The following MGAM2 variants were observed in gnomAD, a reference collection of about 807,000 sequenced individuals.
MGAM2 encodes maltase-glucoamylase 2 (putative).
Under a neutral mutation model 96.1 loss-of-function variants are expected in MGAM2, and 98 were observed. That is an observed-to-expected ratio of 1.02 (90% CI 0.87 to 1.21). The LOEUF is 1.21. Among genes scored for constraint, MGAM2 ranks in the 50% most tolerant of loss-of-function variants. The pLI, the probability that MGAM2 is intolerant of heterozygous loss-of-function variation, is 0.00. For synonymous variants in MGAM2, 749 were observed against 414.8 expected (o/e 1.81, Z -9.79); for missense variants, 2,055 against 1,182.4 (o/e 1.74, Z -10.82).
intron 24 of MGAM2, among the ~76,000 whole-genome samples, chr7:142,165,286 C>T (rs1795998807): frequency 2.0e-5 from 3 of 152,136 alleles, no homozygotes; most frequent in Admixed American, 6.6e-5. Flanking sequence ...TAAAATGAGA[C>T]ACTCTGATCC....
At chr7:142,184,095 C>A (rs1221387247) in intron 33 of MGAM2, among the ~76,000 whole-genome samples, 1 of 150,556 alleles carries the variant, frequency 6.6e-6, no homozygotes, top group Non-Finnish European at 1.5e-5. Context: ...GCCTCAGCCT[C>A]CTGAGTAGCT....
chr7:142,190,340 C>T (rs1006638617), intron 37 of MGAM2, among the ~76,000 whole-genome samples: 48 of 143,562 alleles, frequency 3.3e-4, no homozygotes, highest in African/African-American at 1.2e-3. Context: ...GGTGCAATCT[C>T]GGCTCACTGC....
intron 44 of MGAM2, 70 bp downstream of exon 44, chr7:142,198,809 C>A: frequency 1.5e-6 from 1 of 648,144 alleles, no homozygotes; most frequent in South Asian, 1.7e-5. Context: ...AGGAGGCTGT[C>A]CCACCTTCGC....
rs1178127172 is a variant in MGAM2 at position 142,160,134 on chromosome 7, G to A, written c.2221G>A (p.Gly741Arg). Residue 741 changes from glycine (G) to arginine (R), a missense_variant and splice_region_variant, in exon 21 of 48, where the codon GGA becomes AGA. By Grantham distance (125) the Gly-to-Arg change is moderately radical. Coordinates refer to ENST00000477922, the MANE Select transcript of MGAM2 (RefSeq NM_001293626.2). ...PDATWYDYET[G>R]VAISWRKQLV... Reference sequence around the variant, plus strand: ...ATCTTTTGTTGTTGTTGCTGATTAGGGAGTGGCCATCTCATGGAGGAAACA... The same window carrying A: ...ATCTTTTGTTGTTGTTGCTGATTAGAGAGTGGCCATCTCATGGAGGAAACA... 4 of 701,364 alleles carry A rather than the reference G, an allele frequency of 5.7e-6. No individual in the cohort carries two copies. The East Asian group carries it at 1.1e-4, about 19-fold the overall frequency. The allele number at this position is 701,364 out of a possible 1,614,324, so 43.4% of individuals were successfully genotyped here.
intron 3 of MGAM2, among the ~76,000 whole-genome samples, chr7:142,125,604 G>A (rs904374458): frequency 6.6e-6 from 1 of 152,204 alleles, no homozygotes; most frequent in African/African-American, 2.4e-5. Context: ...AGACAGGAAT[G>A]TCAATTAGAT....
intron 12 of MGAM2, among the ~76,000 whole-genome samples, chr7:142,142,543 T>TTTTTG (rs1795262547): frequency 6.9e-6 from 1 of 144,136 alleles, no homozygotes; most frequent in Non-Finnish European, 1.5e-5. Flanking sequence ...TTTTTTTTTT[T>TTTTTG]TTTTTGAGAT....
intron 45 of MGAM2, among the ~76,000 whole-genome samples, chr7:142,201,756 G>T (rs1478018783): frequency 6.6e-6 from 1 of 152,112 alleles, no homozygotes; most frequent in Non-Finnish European, 1.5e-5. Flanking sequence ...TGTTTACATT[G>T]GATCAGGTTT....
intron 3 of MGAM2, among the ~76,000 whole-genome samples, chr7:142,124,033 C>T (rs951894745): frequency 1.4e-4 from 19 of 131,118 alleles, no homozygotes; most frequent in African/African-American, 3.2e-4. Flanking sequence ...AGCGCAGAGG[C>T]GCAATCTTGG....
chr7:142,182,683 C>A (rs182400183), intron 32 of MGAM2, among the ~76,000 whole-genome samples: 1 of 152,344 alleles, frequency 6.6e-6, no homozygotes, highest in East Asian at 1.9e-4. Context: ...TTTCCCTTCA[C>A]TCACTCCTTC....
Position 142,220,813 on chromosome 7 carries a change from C to T in MGAM2, c.6302C>T (p.Ser2101Leu), listed in dbSNP as rs1797903412. 1.4e-6 allele frequency: 1 copy of T among 702,134 alleles called. No homozygotes were observed. 43.5% of individuals were successfully genotyped at this position (702,134 alleles called of 1,614,324 possible). Reference protein sequence around the residue: ...TVSTIATVPISVTPSLTSTAD... With the variant: ...TVSTIATVPILVTPSLTSTAD... ...AGTACTATTGCTACCGTTCCCATTTCAGTGACTCCTTCTCTGACAAGTACT... is the reference window on the plus strand; with the variant it reads ...AGTACTATTGCTACCGTTCCCATTTTAGTGACTCCTTCTCTGACAAGTACT... Residue 2101 changes from serine to leucine, a missense_variant, in exon 48 of 48, where the codon TCA (serine) becomes TTA (leucine). Transcript: ENST00000477922.
chr7:142,200,001 C>A (rs1447644012), intron 45 of MGAM2, 33 bp downstream of exon 45: 2 of 617,456 alleles, frequency 3.2e-6, no homozygotes, highest in Non-Finnish European at 5.8e-6. Context: ...CCCTGTACAT[C>A]ACTGAGAAAA....
intron 47 of MGAM2, among the ~76,000 whole-genome samples, chr7:142,218,895 A>G (rs902246205): frequency 3.9e-5 from 6 of 152,178 alleles, no homozygotes; most frequent in South Asian, 2.1e-4. Flanking sequence ...GATTCCCTAA[A>G]GCTGTTGAAG....
intron 9 of MGAM2, 34 bp from the exon 10 acceptor site, chr7:142,138,508 T>G (rs1795125318): frequency 4.3e-6 from 3 of 694,250 alleles, no homozygotes; most frequent in Non-Finnish European, 7.9e-6. Flanking sequence ...GCTAATGTTA[T>G]TCTCAAAGCC....
chr7:142,160,982 C>T (rs1795871536), intron 21 of MGAM2, 143 bp from the exon 22 acceptor site: 3 of 538,758 alleles, frequency 5.6e-6, no homozygotes, highest in Non-Finnish European at 6.7e-6. Context: ...ACACCCAGCT[C>T]CCATGTGTCC....
At chr7:142,176,313 T>C (rs1026679193) in intron 32 of MGAM2, among the ~76,000 whole-genome samples, 1 of 152,184 alleles carries the variant, frequency 6.6e-6, no homozygotes, top group Non-Finnish European at 1.5e-5. Context: ...GGAAGCCACA[T>C]CTTGACAAAT....
intron 15 of MGAM2, among the ~76,000 whole-genome samples, chr7:142,150,413 C>T (rs1361442451): frequency 2.0e-5 from 3 of 152,122 alleles, no homozygotes; most frequent in Non-Finnish European, 4.4e-5. Context: ...CCATTTTCCC[C>T]CCTTAATACT....
chr7:142,182,549 C>A (rs147862212), intron 32 of MGAM2, among the ~76,000 whole-genome samples: 1 of 152,198 alleles, frequency 6.6e-6, no homozygotes, highest in Non-Finnish European at 1.5e-5. Context: ...AGAACCTTCT[C>A]GTCTCCGCAC....
chr7:142,184,453 A>G (rs1384342622), intron 33 of MGAM2, among the ~76,000 whole-genome samples: 1 of 152,180 alleles, frequency 6.6e-6, no homozygotes, highest in Admixed American at 6.5e-5. Context: ...CTATCTGTGA[A>G]CTCTTAGGAA....
intron 17 of MGAM2, among the ~76,000 whole-genome samples, chr7:142,155,399 C>G (rs1477017820): frequency 1.3e-5 from 2 of 152,090 alleles, no homozygotes; most frequent in Non-Finnish European, 2.9e-5. Context: ...CAAAGTCCCC[C>G]CTAAGGAGGT....
Sources: allele counts gnomAD v4.1 joint callset (sites outside exome capture counted in the v4.1 genomes callset), GRCh38; gene constraint gnomAD v4.1.1; transcripts MANE v1.5; gene names NCBI Gene and HGNC (gene_info 2026-07-23, HGNC 2026-07-21).